Variants in HCN1 observed in about 807,000 individuals in gnomAD.
HCN1 encodes potassium/sodium hyperpolarization-activated cyclic nucleotide-gated channel 1.
In HCN1, 13 loss-of-function variants were observed where a neutral mutation model predicts 78.9. The ratio of observed to expected loss-of-function variants is 0.16; its 90% confidence interval spans 0.11 to 0.26. HCN1 has a LOEUF of 0.26. HCN1 is among the 10% of genes least tolerant of loss of function. The pLI, the probability that HCN1 is intolerant of heterozygous loss-of-function variation, is 1.00. For missense variants in HCN1, 810 were observed against 1,154.3 expected (o/e 0.70, Z 4.32); for synonymous variants, 552 against 455.5 (o/e 1.21, Z -2.70).
chr5:45,399,610 T>C (rs1458550213), intron 3 of HCN1, among the ~76,000 whole-genome samples: 2 of 152,162 alleles, frequency 1.3e-5, no homozygotes, highest in Non-Finnish European at 2.9e-5. Context: ...GTTTTGTTTG[T>C]TGTTAATAGG....
chr5:45,582,779 G>A (rs367835614), intron 2 of HCN1, among the ~76,000 whole-genome samples: 6 of 151,988 alleles, frequency 3.9e-5, no homozygotes, highest in Non-Finnish European at 7.4e-5. Flanking sequence ...TGAGATAATC[G>A]TGTGGTTTTT....
At chr5:45,507,758 TAAAC>T (rs1346825900) in intron 2 of HCN1, among the ~76,000 whole-genome samples, 2 of 152,116 alleles carry the variant, frequency 1.3e-5, no homozygotes, top group African/African-American at 2.4e-5. Context: ...AGACAAGCTA[TAAAC>T]AAACATGTTA....
intron 3 of HCN1, among the ~76,000 whole-genome samples, chr5:45,444,379 GC>G (rs1328743821): frequency 6.6e-6 from 1 of 152,082 alleles, no homozygotes; most frequent in Non-Finnish European, 1.5e-5. Context: ...GAAAATAATT[GC>G]CTGAGGAATC....
chr5:45,531,672 C>A (rs964824657), intron 2 of HCN1, among the ~76,000 whole-genome samples: 1 of 152,064 alleles, frequency 6.6e-6, no homozygotes, highest in Admixed American at 6.6e-5. Context: ...GATTTTTTTG[C>A]CTGCTAGAAT....
rs374917083 is a variant in HCN1, at chr5:45,373,400, T to A, written c.1231-20154A>T. Among the ~76,000 whole-genome samples the A allele has an allele frequency of 1.7e-4, 11 of 65,220 alleles. No homozygotes were observed. In the East Asian group the frequency reaches 7.0e-3, roughly 42 times the overall value. 42.8% of individuals were successfully genotyped at this position (65,220 alleles called of 152,430 possible). A position where few individuals can be genotyped will look rare whatever the true frequency, so the allele number is the denominator to read the frequency against. ...TTATATAATATATGTAAATATATATTATATAAAATATATTATAATATATAT... is the reference window on the plus strand; with the variant it reads ...TTATATAATATATGTAAATATATATAATATAAAATATATTATAATATATAT... On this transcript the variant is annotated intron_variant, in intron 4 of 7. Transcript: ENST00000303230.
At chr5:45,622,955 C>T (rs2111998308) in intron 2 of HCN1, among the ~76,000 whole-genome samples, 1 of 152,264 alleles carries the variant, frequency 6.6e-6, no homozygotes, top group East Asian at 1.9e-4. Flanking sequence ...CTTCCTGCAG[C>T]AGGAACTAGT....
rs370981785 is a variant in HCN1 at position 45,539,417 on chromosome 5, C to T, written c.850-77410G>A. On this transcript the variant is annotated intron_variant, in intron 2 of 7. Coordinates refer to ENST00000303230, the MANE Select transcript of HCN1 (RefSeq NM_021072.4). ...GTGGCTCACGCCTGTAATCCCAGCACTTTGGGAGGCCGAGGTGGGCGGATC... is the reference window on the plus strand; with the variant it reads ...GTGGCTCACGCCTGTAATCCCAGCATTTTGGGAGGCCGAGGTGGGCGGATC... Among the ~76,000 whole-genome samples the T allele has an allele frequency of 7.9e-5, 12 of 151,156 alleles. No homozygotes were observed. In the East Asian group the frequency reaches 2.3e-3, roughly 29 times the overall value.
At chr5:45,310,240 G>A (rs1385602966) in intron 5 of HCN1, among the ~76,000 whole-genome samples, 1 of 152,052 alleles carries the variant, frequency 6.6e-6, no homozygotes, top group African/African-American at 2.4e-5. Flanking sequence ...CCTGTGGAAT[G>A]GCAGAAAATT....
intron 2 of HCN1, among the ~76,000 whole-genome samples, chr5:45,608,891 T>G (rs907682449): frequency 1.3e-5 from 2 of 152,022 alleles, no homozygotes; most frequent in African/African-American, 4.8e-5. Flanking sequence ...TGTATAAATG[T>G]GTCTTATAAG....
intron 2 of HCN1, among the ~76,000 whole-genome samples, chr5:45,513,297 A>G (rs557004510): frequency 6.6e-6 from 1 of 152,296 alleles, no homozygotes; most frequent in African/African-American, 2.4e-5. Context: ...ATAACTCTGA[A>G]GAAGCCTAGA....
intron 2 of HCN1, among the ~76,000 whole-genome samples, chr5:45,568,806 G>C (rs1410472518): frequency 6.6e-6 from 1 of 151,762 alleles, no homozygotes; most frequent in Non-Finnish European, 1.5e-5. Flanking sequence ...GTAAGGGCTC[G>C]GAAAACAATA....
At chr5:45,504,909 T>C (rs1456690451) in intron 2 of HCN1, among the ~76,000 whole-genome samples, 2 of 152,190 alleles carry the variant, frequency 1.3e-5, no homozygotes, top group East Asian at 3.9e-4. Flanking sequence ...TTTTGAGAAG[T>C]GTCTGTTCAT....
intron 5 of HCN1, among the ~76,000 whole-genome samples, chr5:45,351,265 A>C (rs1444431098): frequency 6.6e-6 from 1 of 151,104 alleles, no homozygotes; most frequent in South Asian, 2.1e-4. Flanking sequence ...GAGAAAAACA[A>C]GCAATGGGGA....
At chr5:45,322,576 A>AC in intron 5 of HCN1, among the ~76,000 whole-genome samples, 1 of 151,846 alleles carries the variant, frequency 6.6e-6, no homozygotes, top group African/African-American at 2.4e-5. Context: ...CATGAGATTC[A>AC]TTTATGTTTC....
At chr5:45,613,044 T>A (rs1376796396) in intron 2 of HCN1, among the ~76,000 whole-genome samples, 1 of 152,116 alleles carries the variant, frequency 6.6e-6, no homozygotes, top group Non-Finnish European at 1.5e-5. Context: ...AGGGTACATG[T>A]GCACATTGTG....
chr5:45,368,144 A>T (rs1747272669), intron 4 of HCN1, among the ~76,000 whole-genome samples: 1 of 152,042 alleles, frequency 6.6e-6, no homozygotes, highest in African/African-American at 2.4e-5. Context: ...TAATAGAAGA[A>T]GAGTAGATTC....
chr5:45,349,731 G>A (rs1359917515), intron 5 of HCN1, among the ~76,000 whole-genome samples: 1 of 152,090 alleles, frequency 6.6e-6, no homozygotes, highest in African/African-American at 2.4e-5. Flanking sequence ...TGCCCACAGA[G>A]AATACTACAA....
chr5:45,559,943 C>T (rs1579969166), intron 2 of HCN1: 2 of 152,086 alleles, frequency 1.3e-5, no homozygotes, highest in East Asian at 3.9e-4. Context: ...AAGCCAGTTG[C>T]CATCAATATT....
At chr5:45,500,325 G>T (rs1484144988) in intron 2 of HCN1, among the ~76,000 whole-genome samples, 1 of 152,028 alleles carries the variant, frequency 6.6e-6, no homozygotes, top group East Asian at 1.9e-4. Flanking sequence ...TAGCTTAGGT[G>T]GAAAATTTTT....
Sources: gnomAD v4.1 joint callset for allele counts (sites outside exome capture counted in the v4.1 genomes callset) on GRCh38, gnomAD v4.1.1 for gene constraint, MANE v1.5 for transcripts, NCBI Gene and HGNC (gene_info 2026-07-23, HGNC 2026-07-21) for gene names.